The following KANSL2 variants were observed in gnomAD, a reference collection of about 807,000 sequenced individuals.
KANSL2 encodes KAT8 regulatory NSL complex subunit 2.
KANSL2 carries 34 observed loss-of-function variants against 55.6 expected under a neutral mutation model. The observed-to-expected ratio is 0.61, with a 90% CI of 0.46 to 0.81. KANSL2 has a LOEUF of 0.81. KANSL2 is among the 40% of genes least tolerant of loss of function. The probability of loss-of-function intolerance (pLI) is 0.00; values close to 1 mark genes in which losing one functional copy is unlikely to be tolerated. For synonymous variants in KANSL2, 209 were observed against 214.3 expected (o/e 0.98, Z 0.22); for missense variants, 502 against 609.9 (o/e 0.82, Z 1.86).
chr12:48,660,482 A>C lies in KANSL2; in HGVS notation c.1111T>G (p.Tyr371Asp). ...PLHFQLPPQM[Y>D]KPEQVLSVPD... The stretch of plus-strand genomic sequence containing the variant: ...ACAGACAGTACCTGCTCGGGCTTAT[A>C]CATCTGAGGAGGCAACTGGAAATGC... Residue 371 changes from tyrosine (Y) to aspartate (D), a missense_variant, in exon 8 of 10, where the codon TAT becomes GAT. Physicochemically the swap from Tyr to Asp is radical, Grantham distance 160. Transcript: ENST00000420613. The C allele has an allele frequency of 6.2e-7, 1 of 1,613,910 alleles. No individual in the cohort carries two copies. Among genetic ancestry groups the C allele is most frequent in the Non-Finnish European group, 8.5e-7 (1 of 1,179,850 alleles).
chr12:48,659,934 A>C (rs1162409400), intron 8 of KANSL2, among the ~76,000 whole-genome samples: 1 of 152,248 alleles, frequency 6.6e-6, no homozygotes, highest in Non-Finnish European at 1.5e-5. Flanking sequence ...TGAAATGTCC[A>C]GAATAAGCAA....
At chr12:48,675,553 T>C (rs1939805866) in intron 4 of KANSL2, among the ~76,000 whole-genome samples, 1 of 152,192 alleles carries the variant, frequency 6.6e-6, no homozygotes. Flanking sequence ...TTTTGAATAC[T>C]GAAAATGAGA....
At chr12:48,660,870 G>C (rs1324826263) in intron 7 of KANSL2, among the ~76,000 whole-genome samples, 2 of 152,094 alleles carry the variant, frequency 1.3e-5, no homozygotes, top group Non-Finnish European at 2.9e-5. Context: ...CAGGATCCTG[G>C]TCATTTAAAC....
At chr12:48,673,915 C>T (rs1212805293) in intron 4 of KANSL2, among the ~76,000 whole-genome samples, 2 of 152,070 alleles carry the variant, frequency 1.3e-5, no homozygotes, top group East Asian at 3.9e-4. Flanking sequence ...GGCGCCACTG[C>T]ACTCCAACCT....
chr12:48,671,035 AG>A, intron 5 of KANSL2, among the ~76,000 whole-genome samples: 1 of 152,258 alleles, frequency 6.6e-6, no homozygotes, highest in Admixed American at 6.5e-5. Context: ...AGGCCAAGGT[AG>A]GGGGATCACT....
chr12:48,667,251 A>C (rs1423940962), intron 7 of KANSL2, among the ~76,000 whole-genome samples: 1 of 152,180 alleles, frequency 6.6e-6, no homozygotes. Context: ...ATAATACTAG[A>C]AGTTCACAGT....
At chr12:48,672,020 T>C in intron 4 of KANSL2, 58 bp from the exon 5 acceptor site, 3 of 1,431,430 alleles carry the variant, frequency 2.1e-6, no homozygotes, top group South Asian at 1.4e-5. Flanking sequence ...AAACCCAAGT[T>C]TGAAAGAGTA....
intron 8 of KANSL2, among the ~76,000 whole-genome samples, chr12:48,660,060 G>C (rs1180575068): frequency 6.6e-6 from 1 of 152,166 alleles, no homozygotes; most frequent in African/African-American, 2.4e-5. Context: ...TCTGAAATTA[G>C]ATAGTGGTGG....
Position 48,672,456 on chromosome 12 carries a change from C to T in KANSL2, c.546-494G>A, listed in dbSNP as rs114122491. On this transcript the variant is annotated intron_variant, in intron 4 of 9. Transcript: ENST00000420613. The stretch of plus-strand genomic sequence containing the variant: ...ATATTTTTTTTTTGAGATAAGGTCT[C>T]ACTCTTGTCACCCAGGATGGAGTGC... Among the ~76,000 whole-genome samples, 794 of 135,728 alleles carry T rather than the reference C, an allele frequency of 5.8e-3. 7 individuals carry two copies. The highest frequency in any genetic ancestry group is 0.021 in the African/African-American group (732 of 34,432). The allele number at this position is 135,728 out of a possible 152,430, so 89.0% of individuals were successfully genotyped here. A position where few individuals can be genotyped will look rare whatever the true frequency, so the allele number is the denominator to read the frequency against.
rs141903032 is a variant in KANSL2 at position 48,668,157 on chromosome 12, C to T, written c.877-368G>A. 3.6e-3 allele frequency among the ~76,000 whole-genome samples: 543 copies of T among 152,290 alleles called. 4 individuals are homozygous for T. The highest frequency in any genetic ancestry group is 6.5e-3 in the Admixed American group (99 of 15,288). On this transcript the variant is annotated intron_variant, in intron 6 of 9. Coordinates refer to ENST00000420613, the MANE Select transcript of KANSL2 (RefSeq NM_017822.4). Reference sequence around the variant, plus strand: ...TGAAAAACAAATTTAAGAATGATCACTTAATTCTTCTTCCTATTAACCTTA... The same window carrying T: ...TGAAAAACAAATTTAAGAATGATCATTTAATTCTTCTTCCTATTAACCTTA...
chr12:48,657,609 T>C (rs1674145506), intron 8 of KANSL2, among the ~76,000 whole-genome samples: 1 of 151,948 alleles, frequency 6.6e-6, no homozygotes, highest in Non-Finnish European at 1.5e-5. Flanking sequence ...GCAATTTGTG[T>C]GTGTGTGTGT....
chr12:48,669,360 G>T, intron 5 of KANSL2, 88 bp from the exon 6 acceptor site: 1 of 1,083,234 alleles, frequency 9.2e-7, no homozygotes, highest in Non-Finnish European at 1.3e-6. Context: ...AAAATCCTTG[G>T]GCATAAGATA....
At chr12:48,663,027 T>C (rs1010545525) in intron 7 of KANSL2, among the ~76,000 whole-genome samples, 11 of 152,212 alleles carry the variant, frequency 7.2e-5, no homozygotes, top group Non-Finnish European at 1.6e-4. Context: ...TATCCTGGAA[T>C]GTCACTATCA....
chr12:48,669,276 G>C lies in KANSL2; in HGVS notation c.710-4C>G, dbSNP rs1368881761. 2 of 1,537,692 alleles carry C rather than the reference G, an allele frequency of 1.3e-6. No homozygotes were observed. The highest frequency in any genetic ancestry group is 1.2e-5 in the South Asian group (1 of 80,726). On this transcript the variant is annotated splice_region_variant and splice_polypyrimidine_tract_variant and intron_variant, in intron 5 of 9. Transcript: ENST00000420613. ...GGGCCAGTCAGGAGACTACTGCCTA[G>C]AGTTACAAGAGTCAAGATGTTATTT...
At chr12:48,667,654 T>C (rs1284147926) in intron 7 of KANSL2, 39 bp downstream of exon 7, 19 of 1,493,180 alleles carry the variant, frequency 1.3e-5, no homozygotes, top group Admixed American at 1.7e-5. Flanking sequence ...GTCTTCAAAC[T>C]AGCAAACCAC....
At chr12:48,678,950 T>C (rs990040155) in intron 4 of KANSL2, 86 bp downstream of exon 4, 19 of 925,414 alleles carry the variant, frequency 2.1e-5, no homozygotes, top group Non-Finnish European at 3.3e-5. Context: ...TCAACCCTCC[T>C]AGGTTACTAA....
intron 2 of KANSL2, 26 bp downstream of exon 2, chr12:48,681,356 C>T: frequency 1.3e-6 from 2 of 1,572,178 alleles, no homozygotes; most frequent in South Asian, 1.2e-5. Flanking sequence ...TTAAGAAAAA[C>T]GACATATATA....
In KANSL2 at chr12:48,660,368, C is replaced by G. The variant is rs1939464805; in HGVS notation, c.1225G>C (p.Asp409His). 6.2e-7 allele frequency: 1 copy of G among 1,613,632 alleles called. No individual in the cohort carries two copies. Among genetic ancestry groups the G allele is most frequent in the African/African-American group, 1.3e-5 (1 of 74,906 alleles). ...PTESLPLEFS[D>H]DLDVVGDGMQ... ...AAAGCAGAGCTTCTCTAACTTACAT[C>G]ACTGAACTCCAGAGGTAAACTCTCA... Residue 409 changes from aspartate (D) to histidine (H), a missense_variant and splice_region_variant, in exon 8 of 10, where the codon GAT becomes CAT. Coordinates refer to ENST00000420613, the MANE Select transcript of KANSL2 (RefSeq NM_017822.4).
chr12:48,672,433 A>ATATATATATATTTTTT (rs371918890), intron 4 of KANSL2, among the ~76,000 whole-genome samples: 1 of 120,382 alleles, frequency 8.3e-6, no homozygotes, highest in African/African-American at 3.6e-5. Flanking sequence ...ATATATATAT[A>ATATATATATATTTTTT]TTTTTTTTTT....
Sources: gnomAD v4.1 joint callset for allele counts (sites outside exome capture counted in the v4.1 genomes callset) on GRCh38, gnomAD v4.1.1 for gene constraint, MANE v1.5 for transcripts, NCBI Gene and HGNC (gene_info 2026-07-23, HGNC 2026-07-21) for gene names.